The following SPAG1 variants were observed in gnomAD, a reference collection of about 807,000 sequenced individuals.
SPAG1 encodes the protein sperm associated antigen 1.
SPAG1 carries 69 observed loss-of-function variants against 100.5 expected under a neutral mutation model. That is an observed-to-expected ratio of 0.69 (90% confidence interval 0.57 to 0.84). The LOEUF (loss-of-function observed/expected upper bound fraction) is 0.84, where lower values mean the gene tolerates loss of function less well. SPAG1 is among the 40% of genes least tolerant of loss of function. The pLI is 0.00. For missense variants in SPAG1, 955 were observed against 1,133.1 expected, an observed-to-expected ratio of 0.84 and a Z score of 2.26; for synonymous variants, 336 against 411.6, an observed-to-expected ratio of 0.82 and a Z score of 2.22.
chr8:100,165,573 T>C (rs1252151756), intron 2 of SPAG1: 11 of 434,442 alleles, frequency 2.5e-5, no homozygotes, highest in Non-Finnish European at 4.1e-6. Flanking sequence ...CTCACCCTTA[T>C]CCAGTTTTTA....
In SPAG1 at chr8:100,220,444, A is replaced by T. The variant is rs1039793145; in HGVS notation, c.1688+13A>T. 10 of 1,600,138 alleles carry T rather than the reference A, an allele frequency of 6.2e-6. No individual in the cohort carries two copies. Among genetic ancestry groups the T allele is most frequent in the Non-Finnish European group, 8.5e-6 (10 of 1,174,986 alleles). ...ACAGTGTTAACAGGTAATTAATCTG[A>T]GGCAGCTACCTAAAATCTAGTTGTT... On this transcript the variant is annotated intron_variant, in intron 13 of 18. Coordinates refer to ENST00000388798, the MANE Select transcript of SPAG1 (RefSeq NM_003114.5).
intron 7 of SPAG1, 140 bp downstream of exon 7, chr8:100,184,873 G>C (rs1291224129): frequency 1.7e-5 from 10 of 588,686 alleles, no homozygotes; most frequent in Non-Finnish European, 2.9e-6. Flanking sequence ...ATATTCACTT[G>C]TGTTTCTCCT....
At chr8:100,169,509 C>T (rs370935503) in intron 3 of SPAG1, among the ~76,000 whole-genome samples, 4 of 152,142 alleles carry the variant, frequency 2.6e-5, no homozygotes, top group Non-Finnish European at 4.4e-5. Context: ...GAGGCTGAGG[C>T]GGGTGGATCA....
At chr8:100,179,014 G>A (rs1262341327) in intron 4 of SPAG1, among the ~76,000 whole-genome samples, 7 of 148,174 alleles carry the variant, frequency 4.7e-5, no homozygotes, top group African/African-American at 1.7e-4. Context: ...AGAATTGCTT[G>A]AACCCAGGAG....
intron 9 of SPAG1, among the ~76,000 whole-genome samples, chr8:100,193,596 A>G (rs1816903393): frequency 6.6e-6 from 1 of 152,176 alleles, no homozygotes; most frequent in Non-Finnish European, 1.5e-5. Context: ...AGCATAAAAT[A>G]TTTCAGAATT....
chr8:100,193,369 G>T (rs958444815), intron 9 of SPAG1, among the ~76,000 whole-genome samples: 1 of 152,090 alleles, frequency 6.6e-6, no homozygotes, highest in Admixed American at 6.5e-5. Flanking sequence ...GCAGGGGTGG[G>T]AGGATAATTT....
chr8:100,188,314 G>A (rs532706710), intron 8 of SPAG1, among the ~76,000 whole-genome samples: 14 of 151,936 alleles, frequency 9.2e-5, no homozygotes, highest in African/African-American at 3.1e-4. Context: ...ACCACACCCA[G>A]CTAATTTTGT....
In SPAG1 at chr8:100,162,398, G is replaced by A; in HGVS notation, c.118G>A (p.Glu40Lys). 1 of 1,580,364 alleles carries A rather than the reference G, an allele frequency of 6.3e-7. No individual in the cohort carries two copies. Among genetic ancestry groups the A allele is most frequent in the Non-Finnish European group, 8.6e-7 (1 of 1,168,896 alleles). ...IEKCSDVKHL[E>K]KILCVLRSGE... Reference sequence around the variant, plus strand: ...AAAATGTTCAGATGTTAAACATCTGGAAAAAATTCTTTGCGTGCTCAGGTA... The same window carrying A: ...AAAATGTTCAGATGTTAAACATCTGAAAAAAATTCTTTGCGTGCTCAGGTA... The change falls in exon 2 of 19, where the codon GAA becomes AAA. Residue 40 changes from glutamate to lysine, a missense_variant. By Grantham distance (56) the Glu-to-Lys change is moderately conservative. Coordinates refer to ENST00000388798, the MANE Select transcript of SPAG1 (RefSeq NM_003114.5).
At chr8:100,182,824 TAAA>T (rs1422595845) in intron 4 of SPAG1, among the ~76,000 whole-genome samples, 1 of 152,158 alleles carries the variant, frequency 6.6e-6, no homozygotes, top group Admixed American at 6.5e-5. Context: ...TGTATATACT[TAAA>T]AACCTATAGA....
intron 10 of SPAG1, among the ~76,000 whole-genome samples, chr8:100,211,641 A>G (rs1195809880): frequency 6.6e-6 from 1 of 152,230 alleles, no homozygotes; most frequent in Non-Finnish European, 1.5e-5. Context: ...TGGGCAATAG[A>G]GCAAGACCCT....
At chr8:100,197,601 G>T (rs1261322627) in intron 10 of SPAG1, among the ~76,000 whole-genome samples, 1 of 152,190 alleles carries the variant, frequency 6.6e-6, no homozygotes, top group Non-Finnish European at 1.5e-5. Flanking sequence ...AAGTTATCAA[G>T]TTGGAATCTT....
At chr8:100,221,406 T>C (rs1176669590) in intron 13 of SPAG1, among the ~76,000 whole-genome samples, 1 of 152,224 alleles carries the variant, frequency 6.6e-6, no homozygotes, top group African/African-American at 2.4e-5. Context: ...AGGTAAAAAC[T>C]TCCAGACTTC....
intron 10 of SPAG1, among the ~76,000 whole-genome samples, chr8:100,199,824 G>T (rs562596367): frequency 6.6e-5 from 10 of 151,870 alleles, no homozygotes; most frequent in African/African-American, 1.9e-4. Context: ...CTAGATACTA[G>T]ACCCTTATTA....
intron 10 of SPAG1, among the ~76,000 whole-genome samples, chr8:100,196,370 C>A (rs1817031494): frequency 6.6e-6 from 1 of 152,140 alleles, no homozygotes; most frequent in Non-Finnish European, 1.5e-5. Context: ...TGCTTCTCGT[C>A]CTTGCCAGCA....
Position 100,165,975 on chromosome 8 carries a change from T to C in SPAG1, c.300+2T>C. ...GAAAAAATTGATGGTGATATAAAGGTATATAGTAATACCAATTTTCCATAG... is the reference window on the plus strand; with the variant it reads ...GAAAAAATTGATGGTGATATAAAGGCATATAGTAATACCAATTTTCCATAG... On this transcript the variant is annotated splice_donor_variant, in intron 3 of 18. Coordinates refer to ENST00000388798, the MANE Select transcript of SPAG1 (RefSeq NM_003114.5). LOFTEE classifies it high-confidence loss of function. 6.2e-7 allele frequency: 1 copy of C among 1,602,104 alleles called. No individual in the cohort carries two copies. The highest frequency in any genetic ancestry group is 8.5e-7 in the Non-Finnish European group (1 of 1,174,162).
intron 8 of SPAG1, among the ~76,000 whole-genome samples, chr8:100,190,350 A>G (rs932521987): frequency 6.6e-6 from 1 of 151,974 alleles, no homozygotes; most frequent in Admixed American, 6.6e-5. Flanking sequence ...TTTCAGAATT[A>G]CCAAACTTGA....
chr8:100,169,161 T>A (rs1428671175), intron 3 of SPAG1, among the ~76,000 whole-genome samples: 1 of 152,202 alleles, frequency 6.6e-6, no homozygotes, highest in Non-Finnish European at 1.5e-5. Context: ...TCTAGGTCTA[T>A]AATCAGTTTT....
At chr8:100,231,983 C>G (rs1186919246) in intron 15 of SPAG1, among the ~76,000 whole-genome samples, 1 of 145,736 alleles carries the variant, frequency 6.9e-6, no homozygotes, top group Non-Finnish European at 1.5e-5. Context: ...AAAATACTGT[C>G]TTAGGGAGAA....
chr8:100,170,149 T>C (rs531941250), intron 3 of SPAG1, among the ~76,000 whole-genome samples: 3 of 152,218 alleles, frequency 2.0e-5, no homozygotes, highest in Non-Finnish European at 4.4e-5. Context: ...GACATCTTAA[T>C]ATTGAGGTTT....
Sources: gnomAD v4.1 joint callset for allele counts (sites outside exome capture counted in the v4.1 genomes callset) on GRCh38, gnomAD v4.1.1 for gene constraint, MANE v1.5 for transcripts, NCBI Gene and HGNC (gene_info 2026-07-23, HGNC 2026-07-21) for gene names.